The following KDM2A variants were observed in gnomAD, a reference collection of about 807,000 sequenced individuals.
The protein encoded by KDM2A is lysine demethylase 2A.
A neutral mutation model predicts 137.3 loss-of-function variants in KDM2A; 3 were observed. The ratio of observed to expected loss-of-function variants is 0.02; its 90% CI spans 0.01 to 0.06. The LOEUF (loss-of-function observed/expected upper bound fraction) is 0.06, where lower values mean the gene tolerates loss of function less well. Ranked by LOEUF, KDM2A falls within the 10% of genes least tolerant of loss-of-function variation. KDM2A has a pLI of 1.00. For synonymous variants in KDM2A, 512 were observed against 541.5 expected (o/e 0.95, Z 0.76); for missense variants, 738 against 1,510.6 (o/e 0.49, Z 8.48).
intron 11 of KDM2A, 134 bp downstream of exon 11, chr11:67,228,297 C>G: frequency 1.1e-6 from 1 of 940,362 alleles, no homozygotes; most frequent in Non-Finnish European, 1.6e-6. Flanking sequence ...AAATTCATCA[C>G]TGGAATTGAA....
chr11:67,238,950 G>A (rs930087952), intron 12 of KDM2A, among the ~76,000 whole-genome samples: 6 of 152,188 alleles, frequency 3.9e-5, no homozygotes, highest in African/African-American at 1.4e-4. Flanking sequence ...AGACTGAAAG[G>A]AGTGTGTGTT....
At chr11:67,252,235 C>T (rs1337207668) in intron 17 of KDM2A, 1 of 190,916 alleles carries the variant, frequency 5.2e-6, no homozygotes, top group Non-Finnish European at 1.1e-5. Flanking sequence ...CTGAGTAGCA[C>T]CCTGCATTTC....
At chr11:67,142,941 C>G (rs537152857) in intron 2 of KDM2A, among the ~76,000 whole-genome samples, 49 of 151,888 alleles carry the variant, frequency 3.2e-4, no homozygotes, top group African/African-American at 1.2e-3. Context: ...ATCTTCTACT[C>G]CCTCTCAGTT....
intron 2 of KDM2A, among the ~76,000 whole-genome samples, chr11:67,141,424 T>C (rs1207387336): frequency 6.6e-6 from 1 of 151,826 alleles, no homozygotes; most frequent in African/African-American, 2.4e-5. Context: ...CCCAGCACTT[T>C]GGGAGGCCAA....
intron 16 of KDM2A, among the ~76,000 whole-genome samples, chr11:67,249,511 C>T (rs1308564211): frequency 6.6e-6 from 1 of 152,136 alleles, no homozygotes; most frequent in East Asian, 1.9e-4. Flanking sequence ...TAGTGGGCTC[C>T]AGGAAAAGAC....
intron 11 of KDM2A, among the ~76,000 whole-genome samples, chr11:67,229,528 ATTTTAC>A (rs1196500676): frequency 1.3e-5 from 2 of 152,138 alleles, no homozygotes; most frequent in Non-Finnish European, 2.9e-5. Flanking sequence ...TTGCTTTAGC[ATTTTAC>A]TTTTACTGCA....
chr11:67,221,376 T>C (rs1276434411), intron 10 of KDM2A, among the ~76,000 whole-genome samples: 1 of 152,158 alleles, frequency 6.6e-6, no homozygotes, highest in Non-Finnish European at 1.5e-5. Flanking sequence ...AACTTTTTGG[T>C]AGAATTAAAA....
At chr11:67,229,013 C>T (rs907969421) in intron 11 of KDM2A, among the ~76,000 whole-genome samples, 2 of 152,146 alleles carry the variant, frequency 1.3e-5, no homozygotes, top group African/African-American at 2.4e-5. Context: ...TGAGCCACCA[C>T]TCCTGGCCCG....
intron 2 of KDM2A, among the ~76,000 whole-genome samples, chr11:67,152,301 A>G (rs1856409980): frequency 6.6e-6 from 1 of 151,158 alleles, no homozygotes; most frequent in Non-Finnish European, 1.5e-5. Context: ...TGATGGAGTG[A>G]GACCCTGTCT....
chr11:67,171,472 A>G (rs1856881145), intron 2 of KDM2A, among the ~76,000 whole-genome samples: 1 of 91,348 alleles, frequency 1.1e-5, no homozygotes, highest in South Asian at 6.6e-4. Context: ...TTTACTTCCA[A>G]GGGAAAGTTG....
intron 2 of KDM2A, among the ~76,000 whole-genome samples, chr11:67,144,747 T>G (rs76317192): frequency 5.6e-4 from 84 of 150,960 alleles, no homozygotes; most frequent in African/African-American, 2.0e-3. Flanking sequence ...GTATTTTTTT[T>G]GTAGTGATGG....
At chr11:67,220,717 C>G (rs1858319307) in intron 10 of KDM2A, among the ~76,000 whole-genome samples, 1 of 152,114 alleles carries the variant, frequency 6.6e-6, no homozygotes, top group Non-Finnish European at 1.5e-5. Context: ...ATATTTTAGG[C>G]TTCGTGGGTC....
rs1859394431 is a variant in KDM2A, at chr11:67,250,719, G to A, written c.2689G>A (p.Val897Ile). The stretch of plus-strand genomic sequence containing the variant: ...AGACGAAAGCTGGATGCAGCGGGAG[G>A]TCTGGATGTCTGTCTTCCGCTACCT... Reference protein sequence around the residue: ...DGDESWMQREVWMSVFRYLSR... With the variant: ...DGDESWMQREIWMSVFRYLSR... Residue 897 changes from valine (V) to isoleucine (I), a missense_variant, in exon 17 of 21, where the codon GTC (valine) becomes ATC (isoleucine). By Grantham distance (29) the Val-to-Ile change is conservative. Around this residue, in one of 9 missense-constraint regions of KDM2A, gnomAD observed 244 missense variants for 324.6 expected, o/e 0.75. Transcript: ENST00000529006. The surrounding 1 kb of genome is among the most constrained non-coding windows in gnomAD (Gnocchi z 7.1). The A allele has an allele frequency of 6.4e-7, 1 of 1,570,732 alleles. No homozygotes were observed. Among genetic ancestry groups the A allele is most frequent in the Non-Finnish European group, 8.6e-7 (1 of 1,157,888 alleles).
intron 6 of KDM2A, among the ~76,000 whole-genome samples, chr11:67,213,552 G>A (rs1429930817): frequency 1.3e-5 from 2 of 152,214 alleles, no homozygotes; most frequent in Non-Finnish European, 2.9e-5. Context: ...GAGATCAGAA[G>A]TTCGAGACCA....
At chr11:67,147,081 A>G (rs1357639693) in intron 2 of KDM2A, among the ~76,000 whole-genome samples, 1 of 152,158 alleles carries the variant, frequency 6.6e-6, no homozygotes, top group African/African-American at 2.4e-5. Flanking sequence ...AACAGAGCTA[A>G]GATTTATGAA....
At chr11:67,223,387 T>A (rs908198467) in intron 10 of KDM2A, among the ~76,000 whole-genome samples, 3 of 144,610 alleles carry the variant, frequency 2.1e-5, no homozygotes, top group Admixed American at 6.8e-5. Context: ...CTTTTTTCTT[T>A]CTTATTTATT....
At chr11:67,251,414 CTT>C (rs1214040313) in intron 17 of KDM2A, among the ~76,000 whole-genome samples, 1 of 152,200 alleles carries the variant, frequency 6.6e-6, no homozygotes, top group Non-Finnish European at 1.5e-5. Flanking sequence ...TGGACAGACA[CTT>C]GGGGGAAAAA....
intron 8 of KDM2A, among the ~76,000 whole-genome samples, chr11:67,216,437 CTTTA>C (rs1327770817): frequency 1.3e-5 from 2 of 152,168 alleles, no homozygotes; most frequent in African/African-American, 4.8e-5. Flanking sequence ...GAAGGATTAT[CTTTA>C]TTCATTCAGT....
chr11:67,170,611 C>T (rs1856862611), intron 2 of KDM2A, among the ~76,000 whole-genome samples: 2 of 151,848 alleles, frequency 1.3e-5, no homozygotes, highest in African/African-American at 4.8e-5. Flanking sequence ...AACGGGGTTT[C>T]ACCATGTTAG....
Sources: allele counts gnomAD v4.1 joint callset (sites outside exome capture counted in the v4.1 genomes callset), GRCh38; gene constraint gnomAD v4.1.1; regional missense constraint gnomAD v4.1.1; non-coding constraint Gnocchi (gnomAD v3.1); transcripts MANE v1.5; gene names NCBI Gene and HGNC (gene_info 2026-07-23, HGNC 2026-07-21).